Variants in THADA observed in about 807,000 individuals in gnomAD.
THADA encodes tRNA (32-2'-O)-methyltransferase regulator THADA.
A neutral mutation model predicts 219.8 loss-of-function variants in THADA; 213 were observed. The observed-to-expected ratio is 0.97, with a 90% CI of 0.87 to 1.09. The LOEUF is 1.09. Ranked by LOEUF, THADA falls within the 50% of genes least tolerant of loss-of-function variation. The pLI, the probability that THADA is intolerant of heterozygous loss-of-function variation, is 0.00. For synonymous variants in THADA, 1,018 were observed against 828.9 expected (o/e 1.23, Z -3.92); for missense variants, 2,956 against 2,311.3 (o/e 1.28, Z -5.72).
At chr2:43,578,861 C>T (rs1700123867) in intron 8 of THADA, among the ~76,000 whole-genome samples, 1 of 152,204 alleles carries the variant, frequency 6.6e-6, no homozygotes, top group Non-Finnish European at 1.5e-5. Flanking sequence ...TAGAAGGAGT[C>T]TCACTCTGTT....
At chr2:43,593,433 G>A (rs1210023401) in intron 1 of THADA, among the ~76,000 whole-genome samples, 5 of 152,014 alleles carry the variant, frequency 3.3e-5, no homozygotes, top group East Asian at 1.9e-4. Flanking sequence ...TAGGTACAGC[G>A]CTGGCGGCCA....
At chr2:43,505,538 G>A (rs944209800) in intron 24 of THADA, 84 bp downstream of exon 24, 4 of 1,015,900 alleles carry the variant, frequency 3.9e-6, no homozygotes, top group Non-Finnish European at 5.8e-6. Context: ...TGGGTAACAA[G>A]ACGGTAACAG....
chr2:43,447,502 AG>A (rs1204820726), intron 26 of THADA, among the ~76,000 whole-genome samples: 1 of 152,214 alleles, frequency 6.6e-6, no homozygotes, highest in Non-Finnish European at 1.5e-5. Flanking sequence ...TAGCATTTAT[AG>A]ATTCTGGGAA....
chr2:43,584,037 TAA>T (rs536050936), intron 7 of THADA, among the ~76,000 whole-genome samples: 771 of 65,574 alleles, frequency 0.012, 3 homozygotes, highest in African/African-American at 0.041. Context: ...TTGTCTCAAT[TAA>T]AAAAAAAAAA....
rs1433395508 is a variant in THADA, at chr2:43,591,961, A to G, written c.162T>C (p.Tyr54=). The change falls in exon 3 of 38, where the codon TAT becomes TAC. Residue 54 remains tyrosine, a synonymous_variant. Transcript: ENST00000405975. Reference sequence around the variant, plus strand: ...ATCAATTCAGACTTACCTGTTTAATATAATGGATTTGTGACACTCCATCCG... The same window carrying G: ...ATCAATTCAGACTTACCTGTTTAATGTAATGGATTTGTGACACTCCATCCG... ...QLTDGVSQIH[Y]IKQIVPLLEK... 1.9e-6 allele frequency: 3 copies of G among 1,542,988 alleles called. No homozygotes were observed. Among genetic ancestry groups the G allele is most frequent in the African/African-American group, 1.4e-5 (1 of 73,156 alleles).
intron 29 of THADA, among the ~76,000 whole-genome samples, chr2:43,379,359 C>G (rs909521098): frequency 6.6e-6 from 1 of 151,634 alleles, no homozygotes; most frequent in African/African-American, 2.4e-5. Context: ...AAACAAGAAG[C>G]AAAGAGAAAT....
intron 26 of THADA, among the ~76,000 whole-genome samples, chr2:43,454,929 G>T (rs996345141): frequency 6.7e-6 from 1 of 149,162 alleles, no homozygotes; most frequent in African/African-American, 2.5e-5. Flanking sequence ...TATATGAGCT[G>T]TTTTTTTTTT....
rs1458775219 is a variant in THADA, at chr2:43,230,959, CT to C, written c.5850del (p.Ala1951ArgfsTer21). The C allele has an allele frequency of 6.2e-7, 1 of 1,607,838 alleles. No individual in the cohort carries two copies. Among genetic ancestry groups the C allele is most frequent in the South Asian group, 1.1e-5 (1 of 90,784 alleles). ...ESRQLTLPRT[E>X]AAC ...CCCCCAGATTTTCTTCAACATGCCG[CT>C]TCTGTTCTTGGAAGAGTTAACTGCC... On this transcript the variant is annotated frameshift_variant, in exon 38 of 38. Coordinates refer to ENST00000405975, the MANE Select transcript of THADA (RefSeq NM_022065.5). LOFTEE classifies it high-confidence loss of function.
chr2:43,575,665 T>C (rs2104039327), intron 10 of THADA, among the ~76,000 whole-genome samples: 1 of 152,278 alleles, frequency 6.6e-6, no homozygotes, highest in African/African-American at 2.4e-5. Flanking sequence ...GCCGCCTCAG[T>C]AGCTGGGATT....
intron 21 of THADA, among the ~76,000 whole-genome samples, chr2:43,539,109 G>A (rs1429780821): frequency 6.6e-6 from 1 of 152,232 alleles, no homozygotes; most frequent in African/African-American, 2.4e-5. Flanking sequence ...AATAAGAAAT[G>A]CAAGTTCCAC....
At chr2:43,528,175 G>A (rs997446705) in intron 21 of THADA, among the ~76,000 whole-genome samples, 187 bp from the exon 22 acceptor site, 2 of 130,266 alleles carry the variant, frequency 1.5e-5, no homozygotes, top group African/African-American at 6.2e-5. Flanking sequence ...CTGTTGTCCA[G>A]GCTGGAGTGC....
chr2:43,574,345 C>A lies in THADA; in HGVS notation c.1720G>T (p.Ala574Ser). ...MVKILQTSID[A>S]KTGQEQSFPS... is the part of the protein sequence containing the mutation. Reference sequence around the variant, plus strand: ...AATGCATTTTTCTTACCAGTTTTAGCATCAATAGAAGTCTGAAGAATCTTT... The same window carrying A: ...AATGCATTTTTCTTACCAGTTTTAGAATCAATAGAAGTCTGAAGAATCTTT... The change falls in exon 11 of 38, where the codon GCT (alanine) becomes TCT (serine). Residue 574 changes from alanine (A) to serine (S), a missense_variant. Physicochemically the swap from Ala to Ser is moderately conservative, Grantham distance 99 (BLOSUM62 1). Coordinates refer to ENST00000405975, the MANE Select transcript of THADA (RefSeq NM_022065.5). 1 of 1,555,822 alleles carries A rather than the reference C, an allele frequency of 6.4e-7. No homozygotes were observed. Among genetic ancestry groups the A allele is most frequent in the African/African-American group, 1.4e-5 (1 of 72,740 alleles).
chr2:43,359,484 A>G (rs1669248276), intron 29 of THADA, among the ~76,000 whole-genome samples: 1 of 152,236 alleles, frequency 6.6e-6, no homozygotes, highest in Non-Finnish European at 1.5e-5. Context: ...GTTTGAGACC[A>G]GCCTGGTCAA....
At chr2:43,546,156 T>A (rs1696002320) in intron 20 of THADA, among the ~76,000 whole-genome samples, 1 of 151,582 alleles carries the variant, frequency 6.6e-6, no homozygotes, top group Non-Finnish European at 1.5e-5. Flanking sequence ...AGGAGCAGGT[T>A]GTTCAGTTTC....
intron 22 of THADA, among the ~76,000 whole-genome samples, chr2:43,520,853 A>C (rs1230744634): frequency 1.3e-5 from 2 of 151,506 alleles, no homozygotes; most frequent in Non-Finnish European, 2.9e-5. Flanking sequence ...TGACTTTCCC[A>C]ATCAGAACCT....
At chr2:43,573,271 T>C (rs1438794228) in intron 11 of THADA, among the ~76,000 whole-genome samples, 1 of 152,118 alleles carries the variant, frequency 6.6e-6, no homozygotes, top group Non-Finnish European at 1.5e-5. Context: ...CCCTAACACC[T>C]AGAAAGGGAA....
intron 36 of THADA, among the ~76,000 whole-genome samples, chr2:43,262,216 T>C (rs1220532859): frequency 6.6e-6 from 1 of 152,244 alleles, no homozygotes; most frequent in Non-Finnish European, 1.5e-5. Context: ...GGACATGTTA[T>C]TAGGTTGTAG....
At chr2:43,561,960 TAC>T (rs1212289600) in intron 15 of THADA, among the ~76,000 whole-genome samples, 1 of 152,180 alleles carries the variant, frequency 6.6e-6, no homozygotes, top group Non-Finnish European at 1.5e-5. Flanking sequence ...CATAAAAGGG[TAC>T]TGAATTCTGT....
chr2:43,595,721 GAAC>G (rs1188349638), intron 1 of THADA: 1 of 152,520 alleles, frequency 6.6e-6, no homozygotes, highest in East Asian at 1.9e-4. Flanking sequence ...GGCGATTTCT[GAAC>G]CACGTGGAGT....
Sources: allele counts gnomAD v4.1 joint callset (sites outside exome capture counted in the v4.1 genomes callset), GRCh38; gene constraint gnomAD v4.1.1; transcripts MANE v1.5; gene names NCBI Gene and HGNC (gene_info 2026-07-23, HGNC 2026-07-21).